The following TOP3A variants were observed in gnomAD, a reference collection of about 807,000 sequenced individuals.
TOP3A encodes the protein DNA topoisomerase III alpha.
In TOP3A, 64 loss-of-function variants were observed where a neutral mutation model predicts 111.3. The ratio of observed to expected loss-of-function variants is 0.57; its 90% CI spans 0.47 to 0.71. TOP3A has a LOEUF of 0.71. Ranked by LOEUF, TOP3A falls within the 30% of genes least tolerant of loss-of-function variation. The probability of loss-of-function intolerance (pLI) is 0.00; values close to 1 mark genes in which losing one functional copy is unlikely to be tolerated. For synonymous variants in TOP3A, 484 were observed against 485.1 expected, an observed-to-expected ratio of 1.00 and a Z score of 0.03; for missense variants, 1,104 against 1,285.0, an observed-to-expected ratio of 0.86 and a Z score of 2.15.
At chr17:18,310,798 T>C (rs2142991870) in intron 1 of TOP3A, among the ~76,000 whole-genome samples, 1 of 152,296 alleles carries the variant, frequency 6.6e-6, no homozygotes, top group East Asian at 1.9e-4. Flanking sequence ...TCAACCTACA[T>C]GGCTCTCTAA....
At chr17:18,277,043 G>T (rs1979414614) in intron 18 of TOP3A, among the ~76,000 whole-genome samples, 1 of 152,174 alleles carries the variant, frequency 6.6e-6, no homozygotes, top group Non-Finnish European at 1.5e-5. Context: ...AATTAGCTGT[G>T]CGTGGTGGTG....
chr17:18,288,428 C>A (rs991376001), intron 13 of TOP3A, among the ~76,000 whole-genome samples: 4 of 152,070 alleles, frequency 2.6e-5, no homozygotes, highest in African/African-American at 9.7e-5. Flanking sequence ...AGGTGTGAGA[C>A]ACAATGCCCA....
intron 11 of TOP3A, among the ~76,000 whole-genome samples, chr17:18,292,056 G>C (rs941660399): frequency 6.6e-6 from 1 of 152,212 alleles, no homozygotes; most frequent in Non-Finnish European, 1.5e-5. Flanking sequence ...AAAGAAGGAG[G>C]AGAAGAACAA....
chr17:18,295,066 C>CT (rs1435131032), intron 9 of TOP3A, among the ~76,000 whole-genome samples: 1 of 152,224 alleles, frequency 6.6e-6, no homozygotes, highest in Admixed American at 6.5e-5. Flanking sequence ...GCAGGCTGAT[C>CT]TTGAACTCCT....
chr17:18,313,587 AAAAAG>A, intron 1 of TOP3A: 1 of 150,798 alleles, frequency 6.6e-6, no homozygotes, highest in Non-Finnish European at 1.5e-5. Flanking sequence ...AAAAAAAAAA[AAAAAG>A]GGAGAGAGAG....
chr17:18,306,839 T>C (rs1981606552), intron 4 of TOP3A, 52 bp downstream of exon 4: 6 of 1,188,096 alleles, frequency 5.1e-6, no homozygotes. Flanking sequence ...GAAATCACTC[T>C]GTTTGACTCT....
At chr17:18,286,316 A>T (rs111692198) in intron 13 of TOP3A, among the ~76,000 whole-genome samples, 2,728 of 150,438 alleles carry the variant, frequency 0.018, 42 homozygotes, top group Non-Finnish European at 0.028. Flanking sequence ...ATCCTGGCTA[A>T]CACGGTGAAA....
chr17:18,273,517 G>A lies in TOP3A; in HGVS notation c.*1285C>T, dbSNP rs758552879. Among the ~76,000 whole-genome samples, 5 of 152,314 alleles carry A rather than the reference G, an allele frequency of 3.3e-5. No individual in the cohort carries two copies. The highest frequency in any genetic ancestry group is 1.9e-4 in the East Asian group (1 of 5,190). On this transcript the variant is annotated 3_prime_UTR_variant, in exon 19 of 19. Coordinates refer to ENST00000321105, the MANE Select transcript of TOP3A (RefSeq NM_004618.5). ...ACAGCCATGAAGGACAGAGGCTGACGAGACCTCCCAGGGTGAGCTCCTTCC... is the reference window on the plus strand; with the variant it reads ...ACAGCCATGAAGGACAGAGGCTGACAAGACCTCCCAGGGTGAGCTCCTTCC...
chr17:18,295,922 C>G (rs923675663), intron 9 of TOP3A, among the ~76,000 whole-genome samples: 7 of 151,862 alleles, frequency 4.6e-5, no homozygotes, highest in African/African-American at 1.7e-4. Flanking sequence ...CACCTGCCAC[C>G]ACGCCTGGCT....
chr17:18,286,503 G>GA (rs1980116298), intron 13 of TOP3A, among the ~76,000 whole-genome samples: 1 of 152,108 alleles, frequency 6.6e-6, no homozygotes, highest in Non-Finnish European at 1.5e-5. Flanking sequence ...GCAACAGAGC[G>GA]AGACTCCACC....
At chr17:18,298,276 C>T (rs1445764632) in intron 9 of TOP3A, among the ~76,000 whole-genome samples, 1 of 150,940 alleles carries the variant, frequency 6.6e-6, no homozygotes, top group Non-Finnish European at 1.5e-5. Flanking sequence ...GCAGCCACCC[C>T]GTCTGGGAAG....
chr17:18,299,635 T>C lies in TOP3A; in HGVS notation c.916-2A>G. On this transcript the variant is annotated splice_acceptor_variant, in intron 8 of 18. Coordinates refer to ENST00000321105, the MANE Select transcript of TOP3A (RefSeq NM_004618.5). LOFTEE classifies it high-confidence loss of function. ...CTCTACCACAGTTGCCATGGGATCCTAGAAAGCCAGGAAAGAAAAGACCAT... is the reference window on the plus strand; with the variant it reads ...CTCTACCACAGTTGCCATGGGATCCCAGAAAGCCAGGAAAGAAAAGACCAT... 7 of 1,613,786 alleles carry C rather than the reference T, an allele frequency of 4.3e-6. No homozygotes were observed. Among genetic ancestry groups the C allele is most frequent in the Non-Finnish European group, 5.1e-6 (6 of 1,179,712 alleles).
intron 16 of TOP3A, among the ~76,000 whole-genome samples, chr17:18,282,049 C>G (rs927624921): frequency 6.6e-6 from 1 of 152,148 alleles, no homozygotes; most frequent in Admixed American, 6.5e-5. Flanking sequence ...CGTCTTTCCC[C>G]GTGAACTTCC....
At chr17:18,302,184 A>C in intron 7 of TOP3A, 80 bp downstream of exon 7, 1 of 1,482,280 alleles carries the variant, frequency 6.7e-7, no homozygotes, top group Non-Finnish European at 9.1e-7. Context: ...CATCTTTATT[A>C]GTGCTATTAA....
At chr17:18,310,654 G>A (rs1207324170) in intron 1 of TOP3A, among the ~76,000 whole-genome samples, 2 of 152,072 alleles carry the variant, frequency 1.3e-5, no homozygotes, top group Admixed American at 6.6e-5. Flanking sequence ...ATGGATATGA[G>A]GCTTCCTCTT....
chr17:18,289,980 T>G (rs750719012), intron 13 of TOP3A, among the ~76,000 whole-genome samples: 5 of 152,138 alleles, frequency 3.3e-5, no homozygotes, highest in Non-Finnish European at 7.3e-5. Context: ...GACAGCAGAT[T>G]AGTTACAAGG....
intron 9 of TOP3A, among the ~76,000 whole-genome samples, chr17:18,296,110 CACAG>C (rs1980787108): frequency 6.6e-6 from 1 of 152,158 alleles, no homozygotes; most frequent in Non-Finnish European, 1.5e-5. Context: ...ACTGCTTTAA[CACAG>C]ACAGTCTGAG....
intron 17 of TOP3A, among the ~76,000 whole-genome samples, chr17:18,279,229 T>C (rs1448634491): frequency 6.6e-6 from 1 of 152,220 alleles, no homozygotes; most frequent in Non-Finnish European, 1.5e-5. Context: ...TTTACAGTAG[T>C]ATGCAATGCA....
At chr17:18,275,110 G>A in intron 18 of TOP3A, 130 bp from the exon 19 acceptor site, 2 of 1,352,486 alleles carry the variant, frequency 1.5e-6, no homozygotes, top group East Asian at 2.4e-5. Context: ...CTTGAGCCCA[G>A]GAGTTCAAGA....
Sources: gnomAD v4.1 joint callset for allele counts (sites outside exome capture counted in the v4.1 genomes callset) on GRCh38, gnomAD v4.1.1 for gene constraint, MANE v1.5 for transcripts, NCBI Gene and HGNC (gene_info 2026-07-23, HGNC 2026-07-21) for gene names.